The following ROBO1 variants were observed in gnomAD, a reference collection of about 807,000 sequenced individuals.
ROBO1 encodes roundabout homolog 1.
A neutral mutation model predicts 195.9 loss-of-function variants in ROBO1; 149 were observed. That is an observed-to-expected ratio of 0.76 (90% confidence interval 0.67 to 0.87). The LOEUF is 0.87. ROBO1 is among the 40% of genes least tolerant of loss of function. The pLI, the probability that ROBO1 is intolerant of heterozygous loss-of-function variation, is 0.00. For missense variants in ROBO1, 1,933 were observed against 2,068.3 expected (o/e 0.93, Z 1.27); for synonymous variants, 816 against 733.2 (o/e 1.11, Z -1.82).
chr3:78,980,703 T>C (rs897213257), intron 3 of ROBO1, among the ~76,000 whole-genome samples: 1 of 152,166 alleles, frequency 6.6e-6, no homozygotes, highest in African/African-American at 2.4e-5. Context: ...TTCCATCTTA[T>C]GTGGAACTTA....
At chr3:79,649,207 A>G (rs1945925388) in intron 1 of ROBO1, among the ~76,000 whole-genome samples, 2 of 152,078 alleles carry the variant, frequency 1.3e-5, no homozygotes, top group African/African-American at 4.8e-5. Flanking sequence ...AGTTGACACA[A>G]TATTTTAGCG....
intron 23 of ROBO1, chr3:78,634,302 A>G (rs565809806): frequency 5.8e-6 from 1 of 171,182 alleles, no homozygotes; most frequent in East Asian, 1.5e-4. Flanking sequence ...TGCAAATCAT[A>G]AAAAATAAAT....
intron 2 of ROBO1, among the ~76,000 whole-genome samples, chr3:79,363,281 C>G (rs1476255922): frequency 6.6e-6 from 1 of 152,156 alleles, no homozygotes; most frequent in African/African-American, 2.4e-5. Flanking sequence ...CTGTGTATTG[C>G]TTAAAACACT....
At chr3:78,704,661 C>CA (rs1160098731) in intron 8 of ROBO1, among the ~76,000 whole-genome samples, 7,035 of 59,552 alleles carry the variant, frequency 0.12, 272 homozygotes, top group African/African-American at 0.19. Flanking sequence ...CTCATCTCTC[C>CA]AAAAAAAAAA....
At chr3:79,179,991 T>C (rs2108727865) in intron 2 of ROBO1, among the ~76,000 whole-genome samples, 1 of 152,368 alleles carries the variant, frequency 6.6e-6, no homozygotes, top group East Asian at 1.9e-4. Flanking sequence ...TTAAAAATTC[T>C]GGTAACCACA....
chr3:79,009,443 T>C (rs1409279704), intron 3 of ROBO1, among the ~76,000 whole-genome samples: 1 of 152,102 alleles, frequency 6.6e-6, no homozygotes, highest in African/African-American at 2.4e-5. Flanking sequence ...TACAATCCCA[T>C]CTACATATTT....
chr3:78,747,129 C>A (rs943062976), intron 4 of ROBO1, among the ~76,000 whole-genome samples: 1 of 152,090 alleles, frequency 6.6e-6, no homozygotes, highest in Non-Finnish European at 1.5e-5. Context: ...GGCCAGCAGG[C>A]GCGTGTATTC....
chr3:78,963,436 T>A (rs2041486867), intron 3 of ROBO1, among the ~76,000 whole-genome samples: 1 of 150,634 alleles, frequency 6.6e-6, no homozygotes, highest in Non-Finnish European at 1.5e-5. Context: ...GTTGGAGTTT[T>A]GTGTTTATAA....
chr3:78,790,053 C>T (rs535613906), intron 4 of ROBO1, among the ~76,000 whole-genome samples: 17 of 152,234 alleles, frequency 1.1e-4, no homozygotes, highest in Admixed American at 5.2e-4. Flanking sequence ...CTTCTATTGT[C>T]CACATACCAT....
chr3:78,978,537 G>C (rs1444103662), intron 3 of ROBO1, among the ~76,000 whole-genome samples: 1 of 151,920 alleles, frequency 6.6e-6, no homozygotes, highest in African/African-American at 2.4e-5. Flanking sequence ...TTATAAAGTA[G>C]GTAATATTAT....
chr3:78,657,648 G>A (rs1707121623), intron 17 of ROBO1, among the ~76,000 whole-genome samples: 1 of 152,166 alleles, frequency 6.6e-6, no homozygotes, highest in Non-Finnish European at 1.5e-5. Flanking sequence ...TGCAGATCAA[G>A]AATAATACTC....
chr3:78,755,299 C>T (rs949682550), intron 4 of ROBO1, among the ~76,000 whole-genome samples: 2 of 152,038 alleles, frequency 1.3e-5, no homozygotes, highest in Non-Finnish European at 2.9e-5. Context: ...GAGACACTGT[C>T]TCTACAAAAA....
intron 2 of ROBO1, among the ~76,000 whole-genome samples, chr3:79,201,833 G>C: frequency 6.6e-6 from 1 of 150,894 alleles, no homozygotes; most frequent in East Asian, 1.9e-4. Flanking sequence ...TATTGTTGTA[G>C]TAATAATTAT....
intron 3 of ROBO1, chr3:79,018,765 A>G: frequency 8.8e-7 from 1 of 1,133,430 alleles, no homozygotes. Context: ...GAAGCGCAGT[A>G]GTGCCGTTTC....
chr3:79,242,640 C>A (rs1228285444), intron 2 of ROBO1, among the ~76,000 whole-genome samples: 2 of 152,162 alleles, frequency 1.3e-5, no homozygotes, highest in East Asian at 3.9e-4. Context: ...TCACTTATTA[C>A]ATTCACCATC....
chr3:78,853,565 C>A (rs572959277), intron 4 of ROBO1, among the ~76,000 whole-genome samples: 1 of 151,724 alleles, frequency 6.6e-6, no homozygotes, highest in Admixed American at 6.6e-5. Flanking sequence ...GTTCAAACAG[C>A]AGTCTAGATG....
At chr3:79,622,483 C>A (rs144035581) in intron 1 of ROBO1, among the ~76,000 whole-genome samples, 1 of 152,212 alleles carries the variant, frequency 6.6e-6, no homozygotes, top group Non-Finnish European at 1.5e-5. Context: ...CCAGCCTGTG[C>A]TTTTCCCCTG....
chr3:79,540,523 C>G (rs1299477094), intron 2 of ROBO1, among the ~76,000 whole-genome samples: 2 of 152,044 alleles, frequency 1.3e-5, no homozygotes, highest in Non-Finnish European at 2.9e-5. Context: ...AACTCCACTC[C>G]CCATCACGAA....
intron 3 of ROBO1, among the ~76,000 whole-genome samples, chr3:78,945,332 A>G (rs1047754140): frequency 1.3e-5 from 2 of 152,180 alleles, no homozygotes; most frequent in Non-Finnish European, 2.9e-5. Context: ...TTCCAGAGGA[A>G]CAATCAGACA....
Sources: gnomAD v4.1 joint callset for allele counts (sites outside exome capture counted in the v4.1 genomes callset) on GRCh38, gnomAD v4.1.1 for gene constraint, MANE v1.5 for transcripts, NCBI Gene and HGNC (gene_info 2026-07-23, HGNC 2026-07-21) for gene names.